The following AP3B1 variants were observed in gnomAD, a reference collection of about 807,000 sequenced individuals.
AP3B1 encodes the protein AP-3 complex subunit beta-1.
In AP3B1, 61 loss-of-function variants were observed where a neutral mutation model predicts 132.5. That is an observed-to-expected ratio of 0.46 (90% confidence interval 0.37 to 0.57). The LOEUF (loss-of-function observed/expected upper bound fraction) is 0.57, where lower values mean the gene tolerates loss of function less well. Ranked by LOEUF, AP3B1 falls within the 20% of genes least tolerant of loss-of-function variation. AP3B1 has a pLI of 0.00. For missense variants in AP3B1, 1,120 were observed against 1,289.4 expected (o/e 0.87, Z 2.01); for synonymous variants, 388 against 438.3 (o/e 0.89, Z 1.43).
chr5:78,265,697 G>A (rs1748293430), intron 2 of AP3B1, among the ~76,000 whole-genome samples: 1 of 152,174 alleles, frequency 6.6e-6, no homozygotes, highest in South Asian at 2.1e-4. Context: ...CTCTGAGACA[G>A]CTTCATGCTC....
chr5:78,095,908 T>A (rs1197722771), intron 21 of AP3B1, among the ~76,000 whole-genome samples: 2 of 152,226 alleles, frequency 1.3e-5, no homozygotes, highest in Non-Finnish European at 2.9e-5. Context: ...TATCCTATAT[T>A]GAGTTAAAAA....
At chr5:78,220,520 G>A (rs568868520) in intron 6 of AP3B1, among the ~76,000 whole-genome samples, 1 of 151,964 alleles carries the variant, frequency 6.6e-6, no homozygotes, top group South Asian at 2.1e-4. Context: ...AGAAGTTAAT[G>A]GCAGGCCTAA....
intron 11 of AP3B1, among the ~76,000 whole-genome samples, chr5:78,169,341 C>T (rs2112386907): frequency 6.6e-6 from 1 of 152,250 alleles, no homozygotes; most frequent in Non-Finnish European, 1.5e-5. Context: ...TAAGATCCAC[C>T]CAAACATCAT....
chr5:78,212,321 T>C (rs1246386073), intron 7 of AP3B1, among the ~76,000 whole-genome samples: 1 of 152,118 alleles, frequency 6.6e-6, no homozygotes, highest in Non-Finnish European at 1.5e-5. Flanking sequence ...ACAGCAAAAA[T>C]GATAAGCCAT....
chr5:78,283,053 G>A lies in AP3B1; in HGVS notation c.128+11399C>T, dbSNP rs924332897. On this transcript the variant is annotated intron_variant, in intron 1 of 26. Coordinates refer to ENST00000255194, the MANE Select transcript of AP3B1 (RefSeq NM_003664.5). Reference sequence around the variant, plus strand: ...CAAAACTTTAAATGACTTTAATGGTGTTATAATGGTAATCATAATTACTAT... The same window carrying A: ...CAAAACTTTAAATGACTTTAATGGTATTATAATGGTAATCATAATTACTAT... Among the ~76,000 whole-genome samples the A allele has an allele frequency of 3.9e-5, 6 of 152,234 alleles. No homozygotes were observed. In the East Asian group the frequency reaches 7.7e-4, roughly 20 times the overall value.
At chr5:78,120,759 C>T (rs530513163) in intron 17 of AP3B1, among the ~76,000 whole-genome samples, 3 of 152,138 alleles carry the variant, frequency 2.0e-5, no homozygotes, top group Non-Finnish European at 2.9e-5. Flanking sequence ...CTTTAACACC[C>T]TACTGTCAAC....
chr5:78,168,136 T>G (rs745787545), intron 11 of AP3B1, among the ~76,000 whole-genome samples: 2 of 152,000 alleles, frequency 1.3e-5, no homozygotes, highest in African/African-American at 4.8e-5. Context: ...CAGACACATG[T>G]ATTAGAAATA....
intron 8 of AP3B1, among the ~76,000 whole-genome samples, chr5:78,178,118 T>C (rs1744225619): frequency 6.6e-6 from 1 of 152,192 alleles, no homozygotes; most frequent in South Asian, 2.1e-4. Context: ...GCTCTGAGAC[T>C]GGGGCTTTTT....
intron 1 of AP3B1, among the ~76,000 whole-genome samples, chr5:78,281,996 C>T (rs1287749163): frequency 6.6e-6 from 1 of 152,132 alleles, no homozygotes. Flanking sequence ...GAAAAAAAAG[C>T]TCGTTAGACT....
At chr5:78,093,182 T>C (rs1055128210) in intron 21 of AP3B1, among the ~76,000 whole-genome samples, 2 of 152,150 alleles carry the variant, frequency 1.3e-5, no homozygotes, top group Admixed American at 6.5e-5. Context: ...CATACAGTTA[T>C]AAAGAACGTA....
chr5:78,039,709 C>T (rs1747973460), intron 22 of AP3B1, among the ~76,000 whole-genome samples: 1 of 145,578 alleles, frequency 6.9e-6, no homozygotes, highest in African/African-American at 2.6e-5. Context: ...ACCCAGGAGG[C>T]GGAGCTTGCA....
At chr5:78,085,282 T>G (rs187012018) in intron 22 of AP3B1, among the ~76,000 whole-genome samples, 1 of 152,342 alleles carries the variant, frequency 6.6e-6, no homozygotes, top group Admixed American at 6.5e-5. Flanking sequence ...AGATGGTTCT[T>G]TAATTCTACA....
intron 26 of AP3B1, among the ~76,000 whole-genome samples, chr5:78,004,759 T>C (rs1263006070): frequency 2.0e-5 from 3 of 152,206 alleles, no homozygotes; most frequent in Non-Finnish European, 4.4e-5. Context: ...TGCTGAAAAC[T>C]TGCAAGGAAT....
intron 8 of AP3B1, among the ~76,000 whole-genome samples, chr5:78,178,772 A>G (rs1045384711): frequency 3.9e-5 from 6 of 152,208 alleles, no homozygotes; most frequent in Admixed American, 1.3e-4. Flanking sequence ...GGCTCAAAGG[A>G]CACACTAATA....
At chr5:78,163,601 ATATG>A (rs201827198) in intron 12 of AP3B1, among the ~76,000 whole-genome samples, 1 of 136,948 alleles carries the variant, frequency 7.3e-6, no homozygotes, top group East Asian at 2.6e-4. Context: ...GTATATATAT[ATATG>A]TGTGTGTGTG....
chr5:78,061,121 C>G (rs1749035517), intron 22 of AP3B1, among the ~76,000 whole-genome samples: 1 of 150,964 alleles, frequency 6.6e-6, no homozygotes, highest in Non-Finnish European at 1.5e-5. Context: ...TACAAATAAT[C>G]TGGTCAAACA....
intron 26 of AP3B1, among the ~76,000 whole-genome samples, chr5:78,005,752 A>C (rs1429921424): frequency 5.3e-5 from 8 of 152,210 alleles, no homozygotes; most frequent in African/African-American, 1.9e-4. Context: ...TTTAATTGGA[A>C]CACAGCATGA....
chr5:78,200,080 G>A (rs1003742075), intron 7 of AP3B1, among the ~76,000 whole-genome samples: 10 of 151,996 alleles, frequency 6.6e-5, no homozygotes, highest in African/African-American at 1.9e-4. Context: ...GAGGTAAGAC[G>A]GGGAAGGGAA....
intron 22 of AP3B1, among the ~76,000 whole-genome samples, chr5:78,082,745 T>C (rs1436176911): frequency 6.6e-6 from 1 of 152,174 alleles, no homozygotes; most frequent in Non-Finnish European, 1.5e-5. Flanking sequence ...CTCTGACTTG[T>C]TATTAGGTGT....
Sources: gnomAD v4.1 joint callset for allele counts (sites outside exome capture counted in the v4.1 genomes callset) on GRCh38, gnomAD v4.1.1 for gene constraint, MANE v1.5 for transcripts, NCBI Gene and HGNC (gene_info 2026-07-23, HGNC 2026-07-21) for gene names.